LZTFL1: variants seen among roughly 807,000 people sequenced by gnomAD.
LZTFL1 encodes leucine zipper transcription factor-like protein 1.
In LZTFL1, 25 loss-of-function variants were observed where a neutral mutation model predicts 45.9. The observed-to-expected ratio is 0.54, with a 90% CI of 0.40 to 0.76. The LOEUF (loss-of-function observed/expected upper bound fraction) is 0.76. LZTFL1 is among the 30% of genes least tolerant of loss of function. The pLI is 0.00. For synonymous variants in LZTFL1, 93 were observed against 117.4 expected (o/e 0.79, Z 1.35); for missense variants, 277 against 331.1 (o/e 0.84, Z 1.27).
intron 2 of LZTFL1, among the ~76,000 whole-genome samples, chr3:45,880,425 C>T (rs933641534): frequency 6.6e-6 from 1 of 152,106 alleles, no homozygotes; most frequent in Non-Finnish European, 1.5e-5. Context: ...TCACTTGAAC[C>T]CAGGAGGTGG....
intron 2 of LZTFL1, 66 bp downstream of exon 2, chr3:45,837,861 C>A: frequency 1.3e-6 from 2 of 1,507,142 alleles, no homozygotes; most frequent in African/African-American, 1.4e-5. Flanking sequence ...GCTATGGCAC[C>A]CCCATACTGG....
intron 1 of LZTFL1, among the ~76,000 whole-genome samples, chr3:45,840,766 G>A (rs554116219): frequency 6.6e-6 from 1 of 152,228 alleles, no homozygotes; most frequent in East Asian, 1.9e-4. Context: ...TACCAGAAAG[G>A]GTTCCCTGTT....
At position 45,828,463 on chromosome 3, in the gene LZTFL1, C is replaced by T; in HGVS notation, c.753G>A (p.Gln251=). The T allele has an allele frequency of 6.2e-7, 1 of 1,614,064 alleles. No individual in the cohort carries two copies. Among genetic ancestry groups the T allele is most frequent in the Non-Finnish European group, 8.5e-7 (1 of 1,179,984 alleles). The change falls in exon 8 of 10, where the codon CAG becomes CAA. Residue 251 remains glutamine (Q), a synonymous_variant. Transcript: ENST00000296135. ...ATAKHDLLRV[Q]EQLHMAEKEL... ...CCTTTTCAGCCATGTGCAGCTGCTC[C>T]TGAACCCTGAGTAGATCGTGCTTGG... is the stretch of plus-strand genomic sequence containing the variant.
exon 1 of LZTFL1, chr3:45,915,609 A>G (rs1386281952): frequency 2.4e-6 from 1 of 423,448 alleles, no homozygotes; most frequent in East Asian, 7.2e-5. Flanking sequence ...TGGTAAGGAC[A>G]CTCATGCATC....
chr3:45,844,116 C>T (rs1479244573), upstream of LZTFL1, among the ~76,000 whole-genome samples: 1 of 151,990 alleles, frequency 6.6e-6, no homozygotes, highest in Non-Finnish European at 1.5e-5. Flanking sequence ...AGACTTATGA[C>T]TTTATAAGTT....
chr3:45,913,176 GCCTA>G lies in LZTFL1; in HGVS notation c.-272-3_-272del. On this transcript the variant is annotated splice_acceptor_variant and splice_polypyrimidine_tract_variant and 5_prime_UTR_variant and intron_variant, in exon 2 of 5. Coordinates refer to the LZTFL1 transcript ENST00000472635. LOFTEE classifies it low-confidence loss of function (5UTR_SPLICE). ...AAAAGTGGGCTGACTTACAGCAAGA[GCCTA>G]GAAAATTATACAATTACACAAATTA... 1 of 1,533,058 alleles carries G rather than the reference GCCTA, an allele frequency of 6.5e-7. No homozygotes were observed. Among genetic ancestry groups the G allele is most frequent in the Non-Finnish European group, 8.7e-7 (1 of 1,144,198 alleles). The allele number at this position is 1,533,058 out of a possible 1,614,324, so 95.0% of individuals were successfully genotyped here. A position where few individuals can be genotyped will look rare whatever the true frequency, so the allele number is the denominator to read the frequency against.
upstream of LZTFL1, among the ~76,000 whole-genome samples, chr3:45,846,524 C>A (rs1428553670): frequency 6.6e-6 from 1 of 152,132 alleles, no homozygotes; most frequent in Non-Finnish European, 1.5e-5. Context: ...TACTAATAGA[C>A]TGCTGTTGAC....
chr3:45,858,945 G>A (rs749702149), exon 3 of LZTFL1: 2 of 152,156 alleles, frequency 1.3e-5, no homozygotes, highest in South Asian at 2.1e-4. Flanking sequence ...CTCACCTTGC[G>A]ATTAATCCAC....
At chr3:45,912,971 G>T in intron 2 of LZTFL1, 1 of 734,948 alleles carries the variant, frequency 1.4e-6, no homozygotes, top group Non-Finnish European at 2.2e-6. Flanking sequence ...GGCTGCCATA[G>T]CAAATCCTGG....
At chr3:45,912,009 C>CA (rs1404038394) in intron 2 of LZTFL1, among the ~76,000 whole-genome samples, 1 of 152,268 alleles carries the variant, frequency 6.6e-6, no homozygotes, top group Admixed American at 6.5e-5. Context: ...AAAGCCCCAC[C>CA]AGCTCCATCT....
chr3:45,906,287 C>T (rs1156319786), intron 2 of LZTFL1, among the ~76,000 whole-genome samples: 1 of 152,150 alleles, frequency 6.6e-6, no homozygotes, highest in Non-Finnish European at 1.5e-5. Context: ...ATGCCAGGGG[C>T]CCCATGGTGT....
chr3:45,884,535 G>A (rs963697018), intron 2 of LZTFL1, among the ~76,000 whole-genome samples: 1 of 152,126 alleles, frequency 6.6e-6, no homozygotes, highest in Non-Finnish European at 1.5e-5. Context: ...GTGCAGAGGA[G>A]GGAATCTTCC....
At chr3:45,846,185 A>G (rs72876541), upstream of LZTFL1, among the ~76,000 whole-genome samples, 2,658 of 152,278 alleles carry the variant, frequency 0.017, 85 homozygotes, top group African/African-American at 0.06. Context: ...ATAAGGCAGC[A>G]GACATATTCA....
At chr3:45,867,504 G>A (rs1701596813) in intron 2 of LZTFL1, among the ~76,000 whole-genome samples, 1 of 152,058 alleles carries the variant, frequency 6.6e-6, no homozygotes, top group South Asian at 2.1e-4. Flanking sequence ...GGAATTAAAA[G>A]GCAAGGCTGG....
intron 2 of LZTFL1, among the ~76,000 whole-genome samples, chr3:45,892,740 C>T (rs1702225980): frequency 3.9e-5 from 6 of 152,068 alleles, no homozygotes. Context: ...CCCACAAAAA[C>T]AAACCAAAAC....
At position 45,913,006 on chromosome 3, in the gene LZTFL1, C is replaced by T. The variant is rs150519491; in HGVS notation, c.-215+114G>A. On this transcript the variant is annotated intron_variant, in intron 2 of 4. Transcript: ENST00000472635. ...GTTTATGGAAAAGCTTTTTATAAGT[C>T]ATCAGATAATCTAAATTCAAGTAAA... is the stretch of plus-strand genomic sequence containing the variant. The T allele has an allele frequency of 3.0e-4, 317 of 1,070,086 alleles. 1 individual carries two copies. The African/African-American group carries it at 4.5e-3, about 15-fold the overall frequency. The allele number at this position is 1,070,086 out of a possible 1,614,324, so 66.3% of individuals were successfully genotyped here. A position where few individuals can be genotyped will look rare whatever the true frequency, so the allele number is the denominator to read the frequency against.
At chr3:45,913,027 G>T in intron 2 of LZTFL1, 1 of 1,251,820 alleles carries the variant, frequency 8.0e-7, no homozygotes, top group Non-Finnish European at 1.1e-6. Flanking sequence ...CTAAATTCAA[G>T]TAAAATGAGA....
chr3:45,870,091 C>A (rs1701647402), intron 2 of LZTFL1, among the ~76,000 whole-genome samples: 1 of 152,240 alleles, frequency 6.6e-6, no homozygotes, highest in African/African-American at 2.4e-5. Flanking sequence ...TGCAGAGCAG[C>A]AACCTTCCAG....
intron 2 of LZTFL1, among the ~76,000 whole-genome samples, chr3:45,909,664 T>G (rs1005722767): frequency 7.2e-5 from 11 of 152,182 alleles, no homozygotes; most frequent in South Asian, 2.1e-4. Flanking sequence ...CTCTGTGTGG[T>G]TAGGCCACCA....
Sources: allele counts gnomAD v4.1 joint callset (sites outside exome capture counted in the v4.1 genomes callset), GRCh38; gene constraint gnomAD v4.1.1; transcripts MANE v1.5; gene names NCBI Gene and HGNC (gene_info 2026-07-23, HGNC 2026-07-21).